The following RAI1 variants were observed in gnomAD, a reference collection of about 807,000 sequenced individuals.
RAI1 encodes retinoic acid induced 1.
Under a neutral mutation model 123.8 loss-of-function variants are expected in RAI1, and 9 were observed. The observed-to-expected ratio is 0.07, with a 90% CI of 0.04 to 0.13. The LOEUF is 0.13. Among genes scored for constraint, RAI1 ranks in the 10% least tolerant of loss-of-function variants. The pLI, the probability that RAI1 is intolerant of heterozygous loss-of-function variation, is 1.00. For synonymous variants in RAI1, 1,231 were observed against 1,127.3 expected (o/e 1.09, Z -1.84); for missense variants, 2,256 against 2,545.8 (o/e 0.89, Z 2.45).
Position 17,809,686 on chromosome 17 carries a change from G to A in RAI1, c.5709+247G>A, listed in dbSNP as rs1233898986. Among the ~76,000 whole-genome samples, 1 of 152,108 alleles carries A rather than the reference G, an allele frequency of 6.6e-6. No individual in the cohort carries two copies. Among genetic ancestry groups the A allele is most frequent in the African/African-American group, 2.4e-5 (1 of 41,432 alleles). On this transcript the variant is annotated intron_variant, in intron 5 of 5. Transcript: ENST00000353383. This position sits in a 1 kb window ranked among gnomAD's most constrained non-coding sequence, Gnocchi z 4.9. ...TCGGGGCATGGGCAGCCAGGGGCTG[G>A]AGGGCGTCCCTGGGACGGCCTCCCT...
chr17:17,722,611 C>T lies in RAI1; in HGVS notation c.-148-1417C>T, dbSNP rs150548560. Among the ~76,000 whole-genome samples, 493 of 152,362 alleles carry T rather than the reference C, an allele frequency of 3.2e-3. 6 individuals are homozygous for T. The highest frequency in any genetic ancestry group is 0.026 in the East Asian group (134 of 5,192). ...GCCTAGTTCTCGGCTGTCTCCGGGC[C>T]GCGACCCACCTCTCCTGGCGGTCCT... is the stretch of plus-strand genomic sequence containing the variant. On this transcript the variant is annotated intron_variant, in intron 1 of 5. Transcript: ENST00000353383.
rs146781643 is a variant in RAI1, at chr17:17,765,164, T to C, written c.-16-27769T>C. ...AACATTTTTTTGAAAACTAAAATAGTTGGAGGATCTTGTGAATATACCTGC... is the reference window on the plus strand; with the variant it reads ...AACATTTTTTTGAAAACTAAAATAGCTGGAGGATCTTGTGAATATACCTGC... On this transcript the variant is annotated intron_variant, in intron 2 of 5. Transcript: ENST00000353383. Among the ~76,000 whole-genome samples, 494 of 152,356 alleles carry C rather than the reference T, an allele frequency of 3.2e-3. 7 individuals are homozygous for C. The highest frequency in any genetic ancestry group is 0.03 in the East Asian group (154 of 5,190).
chr17:17,780,153 C>T (rs1379577970), intron 2 of RAI1, among the ~76,000 whole-genome samples: 6 of 151,194 alleles, frequency 4.0e-5, no homozygotes, highest in Non-Finnish European at 8.8e-5. Flanking sequence ...GCAACCTCCG[C>T]CTCCCAGGTT....
At chr17:17,806,896 T>C (rs2032604505) in intron 4 of RAI1, among the ~76,000 whole-genome samples, 1 of 152,024 alleles carries the variant, frequency 6.6e-6, no homozygotes, top group African/African-American at 2.4e-5. Flanking sequence ...AGGACCTGGG[T>C]GCGGGGAGGG....
chr17:17,731,650 C>T (rs547303178), intron 2 of RAI1, among the ~76,000 whole-genome samples: 61 of 152,118 alleles, frequency 4.0e-4, no homozygotes, highest in Non-Finnish European at 1.2e-4. Context: ...TCAGTTTCCT[C>T]CCTGAGAACT....
In RAI1 at chr17:17,796,101, G is replaced by T. The variant is rs781505764; in HGVS notation, c.3153G>T (p.Gly1051=). The change falls in exon 3 of 6, where the codon GGG becomes GGT. Residue 1051 remains glycine, a synonymous_variant. Transcript: ENST00000353383. This position sits in a 1 kb window ranked among gnomAD's most constrained non-coding sequence, Gnocchi z 5.8. ...CCCCAGGCCGGGGGGCCTCGGAAGG[G>T]CTCCCCAGGATGTGTACTCGTTCTC... is the stretch of plus-strand genomic sequence containing the variant. The part of the protein sequence containing the change: ...AGAPGRGASE[G]LPRMCTRSLT... 1.1e-5 allele frequency: 17 copies of T among 1,583,556 alleles called. No individual in the cohort carries two copies. Among genetic ancestry groups the T allele is most frequent in the Non-Finnish European group, 6.0e-6 (7 of 1,165,088 alleles).
At chr17:17,703,491 G>A (rs1334098034) in intron 1 of RAI1, among the ~76,000 whole-genome samples, 3 of 152,154 alleles carry the variant, frequency 2.0e-5, no homozygotes, top group Non-Finnish European at 4.4e-5. Context: ...TAACCTTTTT[G>A]GGGTGGGGAC....
Position 17,797,879 on chromosome 17 carries a change from C to T in RAI1, c.4931C>T (p.Ala1644Val). 1.9e-6 allele frequency: 3 copies of T among 1,614,004 alleles called. No homozygotes were observed. The highest frequency in any genetic ancestry group is 2.5e-6 in the Non-Finnish European group (3 of 1,180,014). ...SSSSSSFSLD[A>V]AGASLATLPG... ...TCCTCGTCCTCGTTCTCCTTGGATG[C>T]AGCCGGGGCCTCCCTGGCCACACTC... The change falls in exon 3 of 6, where the codon GCA becomes GTA. Residue 1644 changes from alanine (A) to valine (V), a missense_variant. This residue lies in a region of RAI1 where 410 missense variants were observed against 374.6 expected (regional missense o/e 1.09). Coordinates refer to ENST00000353383, the MANE Select transcript of RAI1 (RefSeq NM_030665.4).
intron 2 of RAI1, among the ~76,000 whole-genome samples, chr17:17,773,835 G>A (rs186970523): frequency 5.6e-4 from 85 of 152,240 alleles, no homozygotes; most frequent in Middle Eastern, 3.4e-3. Context: ...TGAGTTCGAA[G>A]TTTCCAAACC....
At chr17:17,727,764 C>T (rs1916140774) in intron 2 of RAI1, among the ~76,000 whole-genome samples, 1 of 152,134 alleles carries the variant, frequency 6.6e-6, no homozygotes, top group Admixed American at 6.5e-5. Flanking sequence ...CAGATGTTGG[C>T]ACAGATATGA....
At position 17,795,898 on chromosome 17, in the gene RAI1, G is replaced by C; in HGVS notation, c.2950G>C (p.Ala984Pro). Reference protein sequence around the residue: ...QKPNKPAVPEAPIAKKEPVPR... With the variant: ...QKPNKPAVPEPPIAKKEPVPR... ...GCCCAACAAGCCTGCTGTGCCCGAG[G>C]CGCCCATCGCAAAGAAAGAGCCTGT... is the stretch of plus-strand genomic sequence containing the variant. The change falls in exon 3 of 6, where the codon GCG (alanine) becomes CCG (proline). Residue 984 changes from alanine to proline, a missense_variant. Around this residue, in one of 7 missense-constraint regions of RAI1, gnomAD observed 566 missense variants for 616.0 expected, o/e 0.92. Transcript: ENST00000353383. The surrounding 1 kb of genome is among the most constrained non-coding windows in gnomAD (Gnocchi z 5.9). The C allele has an allele frequency of 6.2e-7, 1 of 1,611,454 alleles. No homozygotes were observed. Among genetic ancestry groups the C allele is most frequent in the Non-Finnish European group, 8.5e-7 (1 of 1,179,868 alleles).
At chr17:17,779,876 C>T (rs552306006) in intron 2 of RAI1, among the ~76,000 whole-genome samples, 68 of 145,956 alleles carry the variant, frequency 4.7e-4, no homozygotes, top group South Asian at 1.4e-3. Flanking sequence ...CCGGGGTTCA[C>T]GCCATTCTCC....
intron 1 of RAI1, among the ~76,000 whole-genome samples, chr17:17,722,320 C>A (rs943636823): frequency 6.6e-6 from 1 of 152,132 alleles, no homozygotes; most frequent in African/African-American, 2.4e-5. Flanking sequence ...GGGAGAGGGG[C>A]GGGCCAGCTG....
chr17:17,727,724 C>T (rs1287260186), intron 2 of RAI1, among the ~76,000 whole-genome samples: 1 of 152,174 alleles, frequency 6.6e-6, no homozygotes, highest in Non-Finnish European at 1.5e-5. Flanking sequence ...TTGTCAGAGA[C>T]CTAACCTTGG....
intron 4 of RAI1, 33 bp downstream of exon 4, chr17:17,803,882 G>A (rs771004079): frequency 1.3e-6 from 2 of 1,598,460 alleles, no homozygotes; most frequent in Non-Finnish European, 1.7e-6. Context: ...GAGGGCATTG[G>A]AGCCCATCCA....
At chr17:17,733,645 A>G (rs1916336507) in intron 2 of RAI1, among the ~76,000 whole-genome samples, 1 of 151,692 alleles carries the variant, frequency 6.6e-6, no homozygotes, top group African/African-American at 2.4e-5. Context: ...CCGACTCCTG[A>G]CTCCCAGTCC....
At chr17:17,802,499 A>G (rs1439022986) in intron 3 of RAI1, among the ~76,000 whole-genome samples, 1 of 152,192 alleles carries the variant, frequency 6.6e-6, no homozygotes, top group East Asian at 1.9e-4. Flanking sequence ...GTAGGCGGCC[A>G]GGCGCGGTGG....
chr17:17,775,362 C>T (rs1398775718), intron 2 of RAI1, among the ~76,000 whole-genome samples: 1 of 151,952 alleles, frequency 6.6e-6, no homozygotes, highest in Non-Finnish European at 1.5e-5. Flanking sequence ...CATCACCATG[C>T]CCAGCTAATT....
At chr17:17,739,483 C>CAG (rs1916545254) in intron 2 of RAI1, among the ~76,000 whole-genome samples, 1 of 152,176 alleles carries the variant, frequency 6.6e-6, no homozygotes, top group East Asian at 1.9e-4. Context: ...GATAAGGATA[C>CAG]AGAGAGAGAA....
Sources: gnomAD v4.1 joint callset for allele counts (sites outside exome capture counted in the v4.1 genomes callset) on GRCh38, gnomAD v4.1.1 for gene constraint, gnomAD v4.1.1 regional missense constraint, Gnocchi (gnomAD v3.1) non-coding constraint, MANE v1.5 for transcripts, NCBI Gene and HGNC (gene_info 2026-07-23, HGNC 2026-07-21) for gene names.